IQSEC1: variants seen among roughly 807,000 people sequenced by gnomAD.
The protein encoded by IQSEC1 is IQ motif and Sec7 domain ArfGEF 1, also known as IQ motif and SEC7 domain-containing protein 1.
IQSEC1 carries 31 observed loss-of-function variants against 91.0 expected under a neutral mutation model. The observed-to-expected ratio is 0.34, with a 90% CI of 0.26 to 0.46. The LOEUF (loss-of-function observed/expected upper bound fraction) is 0.46. Among genes scored for constraint, IQSEC1 ranks in the 20% least tolerant of loss-of-function variants. The pLI is 1.00. For missense variants in IQSEC1, 1,388 were observed against 1,575.6 expected, an observed-to-expected ratio of 0.88 and a Z score of 2.02; for synonymous variants, 699 against 662.6, an observed-to-expected ratio of 1.05 and a Z score of -0.84.
chr3:13,221,780 C>A (rs534380580), intron 1 of IQSEC1, among the ~76,000 whole-genome samples: 2 of 152,370 alleles, frequency 1.3e-5, no homozygotes, highest in South Asian at 4.1e-4. Flanking sequence ...GCATCTGCCA[C>A]AAAACCGGGA....
At position 13,174,427 on chromosome 3, in the gene IQSEC1, G is replaced by A. The variant is rs1467996184; in HGVS notation, c.273-10294C>T. Among the ~76,000 whole-genome samples the A allele has an allele frequency of 3.3e-5, 5 of 152,154 alleles. No individual in the cohort carries two copies. In the East Asian group the frequency reaches 9.6e-4, roughly 29 times the overall value. On this transcript the variant is annotated intron_variant, in intron 1 of 15. Coordinates refer to the IQSEC1 transcript ENST00000648114. ...CCTGAGCTCACCTTTAGGACACTGA[G>A]CAGGCATTTTGCACTCAGCCTGGCC...
At chr3:13,076,726 T>C (rs1705568598), upstream of IQSEC1, among the ~76,000 whole-genome samples, 1 of 152,202 alleles carries the variant, frequency 6.6e-6, no homozygotes, top group African/African-American at 2.4e-5. Context: ...CCACACAGTC[T>C]TCAAGTCTGG....
intron 1 of IQSEC1, among the ~76,000 whole-genome samples, chr3:13,212,673 T>A (rs1160177323): frequency 1.3e-5 from 2 of 152,226 alleles, no homozygotes; most frequent in African/African-American, 2.4e-5. Context: ...CATCTCCTCA[T>A]CAACACTTGT....
At chr3:13,169,134 C>T (rs181178153) in intron 1 of IQSEC1, among the ~76,000 whole-genome samples, 27 of 152,296 alleles carry the variant, frequency 1.8e-4, no homozygotes, top group African/African-American at 6.3e-4. Context: ...TGAATTCCCA[C>T]GTGTTGTGGG....
At chr3:13,229,411 T>C (rs934485038) in intron 1 of IQSEC1, among the ~76,000 whole-genome samples, 1 of 152,172 alleles carries the variant, frequency 6.6e-6, no homozygotes, top group African/African-American at 2.4e-5. Flanking sequence ...GAAGCCCTCA[T>C]CTTAGCTGTC....
chr3:13,143,577 C>T (rs1706836971), intron 2 of IQSEC1, among the ~76,000 whole-genome samples: 1 of 152,224 alleles, frequency 6.6e-6, no homozygotes, highest in South Asian at 2.1e-4. Context: ...TCGGCCTGAC[C>T]AATCAGCAGA....
chr3:12,935,663 G>A lies in IQSEC1; in HGVS notation c.1353C>T (p.Tyr451=), dbSNP rs1160721560. The stretch of plus-strand genomic sequence containing the variant: ...TGATGCTGTCATTGTCACCGTCTGA[G>A]TAGTCCGACTCAGACTTGCTCTGCC... ...ANRQSKSESD[Y]SDGDNDSINS... The change falls in exon 3 of 14, where the codon TAC becomes TAT. Residue 451 remains tyrosine (Y), a synonymous_variant. Coordinates refer to ENST00000613206, the MANE Select transcript of IQSEC1 (RefSeq NM_001134382.3). This position sits in a 1 kb window ranked among gnomAD's most constrained non-coding sequence, Gnocchi z 8.0. 1 of 1,614,020 alleles carries A rather than the reference G, an allele frequency of 6.2e-7. No homozygotes were observed.
intron 1 of IQSEC1, among the ~76,000 whole-genome samples, chr3:13,199,092 G>A (rs1426848884): frequency 2.6e-5 from 4 of 152,206 alleles, no homozygotes; most frequent in South Asian, 2.1e-4. Flanking sequence ...ATGGCACGGC[G>A]GGGGTGCGAG....
At chr3:12,902,485 A>G (rs1317754248) in intron 13 of IQSEC1, among the ~76,000 whole-genome samples, 2 of 151,976 alleles carry the variant, frequency 1.3e-5, no homozygotes, top group African/African-American at 4.8e-5. Flanking sequence ...AAACCAAAAC[A>G]CAAAATCCAG....
upstream of IQSEC1, among the ~76,000 whole-genome samples, chr3:13,076,149 G>A (rs1452325975): frequency 1.3e-5 from 2 of 152,178 alleles, no homozygotes; most frequent in African/African-American, 4.8e-5. Context: ...GCCAGCCTTG[G>A]GGTTGCTGCC....
chr3:13,175,978 A>T (rs1386482806), intron 1 of IQSEC1, among the ~76,000 whole-genome samples: 2 of 152,252 alleles, frequency 1.3e-5, no homozygotes, highest in African/African-American at 4.8e-5. Context: ...ACAAGCACCC[A>T]GACACTTCTG....
At chr3:13,252,389 G>T in intron 1 of IQSEC1, among the ~76,000 whole-genome samples, 1 of 152,150 alleles carries the variant, frequency 6.6e-6, no homozygotes, top group East Asian at 1.9e-4. Context: ...TGTTTTTAAG[G>T]CTCAACCATA....
chr3:13,205,211 T>C (rs1245890145), intron 1 of IQSEC1, among the ~76,000 whole-genome samples: 1 of 152,056 alleles, frequency 6.6e-6, no homozygotes, highest in Non-Finnish European at 1.5e-5. Flanking sequence ...ACAGGAAGGC[T>C]ACAGCAGCAA....
At chr3:12,910,274 A>G (rs998247539) in intron 10 of IQSEC1, among the ~76,000 whole-genome samples, 1 of 152,224 alleles carries the variant, frequency 6.6e-6, no homozygotes, top group Non-Finnish European at 1.5e-5. Flanking sequence ...GGCATGTCCT[A>G]TAGAAGCTGC....
intron 12 of IQSEC1, among the ~76,000 whole-genome samples, chr3:12,905,907 T>C (rs1172638437): frequency 6.6e-6 from 1 of 152,162 alleles, no homozygotes; most frequent in African/African-American, 2.4e-5. Context: ...TCCTTGGTCT[T>C]GGGTCAGCAG....
intron 8 of IQSEC1, among the ~76,000 whole-genome samples, chr3:12,913,977 T>A (rs187823630): frequency 2.7e-3 from 418 of 152,254 alleles, no homozygotes; most frequent in African/African-American, 9.2e-3. Flanking sequence ...ACAGAGAGAA[T>A]CTGCTCTAGA....
At chr3:12,923,895 TG>T (rs1696865471) in intron 4 of IQSEC1, among the ~76,000 whole-genome samples, 1 of 152,230 alleles carries the variant, frequency 6.6e-6, no homozygotes, top group Non-Finnish European at 1.5e-5. Context: ...CCCACCCTTC[TG>T]GCTCAGGGAG....
Position 13,073,162 on chromosome 3 carries a change from T to G in IQSEC1, c.-148A>C. On this transcript the variant is annotated 5_prime_UTR_variant, in exon 1 of 14. Transcript: ENST00000613206. ...AGTCACATTCCCGGGGGTGGCGGGCTCCTCCAGGGAGGCTGGGGCGGGAGC... is the reference window on the plus strand; with the variant it reads ...AGTCACATTCCCGGGGGTGGCGGGCGCCTCCAGGGAGGCTGGGGCGGGAGC... 3 of 559,478 alleles carry G rather than the reference T, an allele frequency of 5.4e-6. No individual in the cohort carries two copies. The highest frequency in any genetic ancestry group is 5.0e-5 in the East Asian group (1 of 19,964). The allele number at this position is 559,478 out of a possible 1,614,324, so 34.7% of individuals were successfully genotyped here.
intron 10 of IQSEC1, 82 bp downstream of exon 10, chr3:12,911,547 G>C: frequency 9.7e-7 from 1 of 1,034,748 alleles, no homozygotes; most frequent in Non-Finnish European, 1.5e-6. Context: ...AGCCCCCCGC[G>C]GTTCTGTCCT....
Sources: gnomAD v4.1 joint callset for allele counts (sites outside exome capture counted in the v4.1 genomes callset) on GRCh38, gnomAD v4.1.1 for gene constraint, Gnocchi (gnomAD v3.1) non-coding constraint, MANE v1.5 for transcripts, NCBI Gene and HGNC (gene_info 2026-07-23, HGNC 2026-07-21) for gene names.